SNX18: variants seen among roughly 807,000 people sequenced by gnomAD.
SNX18 encodes the protein sorting nexin 18.
A neutral mutation model predicts 48.7 loss-of-function variants in SNX18; 35 were observed. The observed-to-expected ratio is 0.72, with a 90% CI of 0.55 to 0.95. The LOEUF (loss-of-function observed/expected upper bound fraction) is 0.95. SNX18 is among the 40% of genes least tolerant of loss of function. SNX18 has a pLI of 0.00. For missense variants in SNX18, 824 were observed against 871.0 expected, an observed-to-expected ratio of 0.95 and a Z score of 0.68; for synonymous variants, 492 against 384.7, an observed-to-expected ratio of 1.28 and a Z score of -3.26.
chr5:54,585,873 C>T, the SNX18 span, among the ~76,000 whole-genome samples: 4 of 152,048 alleles, frequency 2.6e-5, no homozygotes, highest in South Asian at 2.1e-4. Context: ...TACATGGTGG[C>T]GGGTGCCTGT....
the SNX18 span, among the ~76,000 whole-genome samples, chr5:54,639,330 ACATG>A: frequency 4.6e-5 from 7 of 152,202 alleles, no homozygotes; most frequent in African/African-American, 1.4e-4. Flanking sequence ...TAGAATCCAT[ACATG>A]TATTTGTAGA....
chr5:54,552,271 G>A, the SNX18 span, among the ~76,000 whole-genome samples: 1 of 152,194 alleles, frequency 6.6e-6, no homozygotes, highest in Non-Finnish European at 1.5e-5. Flanking sequence ...AACACATCTA[G>A]CAGAGTTCAA....
the SNX18 span, among the ~76,000 whole-genome samples, chr5:54,589,344 G>T: frequency 6.6e-6 from 1 of 152,078 alleles, no homozygotes; most frequent in African/African-American, 2.4e-5. Context: ...GCTGTGCCTT[G>T]TTGAAGGAGC....
the SNX18 span, among the ~76,000 whole-genome samples, chr5:54,607,239 G>A: frequency 1.3e-5 from 2 of 152,088 alleles, no homozygotes; most frequent in East Asian, 3.9e-4. Context: ...TTGGCACTGA[G>A]ATTCCAACCA....
At chr5:54,619,149 C>T in the SNX18 span, among the ~76,000 whole-genome samples, 2 of 152,032 alleles carry the variant, frequency 1.3e-5, no homozygotes, top group African/African-American at 2.4e-5. Flanking sequence ...GAAAGGAAGG[C>T]CCCCGCTCCA....
chr5:54,630,829 C>CAAAAAA, the SNX18 span, among the ~76,000 whole-genome samples: 2 of 94,510 alleles, frequency 2.1e-5, no homozygotes, highest in Non-Finnish European at 2.1e-5. Context: ...AAGACTCAGT[C>CAAAAAA]AAAAAAAAAA....
the SNX18 span, among the ~76,000 whole-genome samples, chr5:54,593,909 GAGTTAAAAC>G: frequency 6.6e-6 from 1 of 152,172 alleles, no homozygotes; most frequent in Admixed American, 6.5e-5. Flanking sequence ...CTAATGATAA[GAGTTAAAAC>G]TATAAAACTT....
the SNX18 span, among the ~76,000 whole-genome samples, chr5:54,625,555 G>A: frequency 2.6e-5 from 4 of 152,142 alleles, no homozygotes; most frequent in African/African-American, 9.7e-5. Context: ...GGGTGGGCAA[G>A]GCAGAAGTCA....
chr5:54,535,453 G>A (rs1325566258), intron 1 of SNX18, among the ~76,000 whole-genome samples: 2 of 152,158 alleles, frequency 1.3e-5, no homozygotes, highest in African/African-American at 4.8e-5. Context: ...AAATCCTAAA[G>A]CAAAGTAAAA....
chr5:54,532,687 C>T (rs939358926), intron 1 of SNX18, among the ~76,000 whole-genome samples: 1 of 152,138 alleles, frequency 6.6e-6, no homozygotes, highest in Non-Finnish European at 1.5e-5. Flanking sequence ...TCAGAATTCT[C>T]CTGAAACTAT....
At chr5:54,640,918 A>C in the SNX18 span, among the ~76,000 whole-genome samples, 1 of 152,088 alleles carries the variant, frequency 6.6e-6, no homozygotes, top group Non-Finnish European at 1.5e-5. Context: ...AAATTAGCTG[A>C]GTGTGGTGGC....
rs1315108665 is a variant in SNX18 at position 54,546,286 on chromosome 5, G to A, written c.*2854G>A. On this transcript the variant is annotated 3_prime_UTR_variant, in exon 2 of 2. Coordinates refer to ENST00000381410, the MANE Select transcript of SNX18 (RefSeq NM_001102575.2). ...CTTGAAAAATGTTTTAGTCTGTCAA[G>A]TATGTAAAGTTTGTGTAAAAACTTT... 6.6e-6 allele frequency: 1 copy of A among 152,156 alleles called. No homozygotes were observed. Among genetic ancestry groups the A allele is most frequent in the East Asian group, 1.9e-4 (1 of 5,196 alleles). The allele number at this position is 152,156 out of a possible 1,614,324, so 9.4% of individuals were successfully genotyped here.
the SNX18 span, among the ~76,000 whole-genome samples, chr5:54,625,575 T>G: frequency 3.3e-5 from 5 of 152,186 alleles, no homozygotes; most frequent in Non-Finnish European, 7.3e-5. Context: ...ACACTCTTTT[T>G]GTAACCTAAT....
At chr5:54,590,562 G>T in the SNX18 span, among the ~76,000 whole-genome samples, 1 of 152,044 alleles carries the variant, frequency 6.6e-6, no homozygotes, top group African/African-American at 2.4e-5. Flanking sequence ...TGTGGATTTC[G>T]CCCTGGTCAG....
the SNX18 span, among the ~76,000 whole-genome samples, chr5:54,628,729 C>T: frequency 6.6e-6 from 1 of 152,052 alleles, no homozygotes; most frequent in Admixed American, 6.5e-5. Context: ...TCTTGAGCCC[C>T]TAGCTCCTGG....
chr5:54,518,188 C>T lies in SNX18; in HGVS notation c.236C>T (p.Ala79Val). 1 of 1,388,978 alleles carries T rather than the reference C, an allele frequency of 7.2e-7. No individual in the cohort carries two copies. Among genetic ancestry groups the T allele is most frequent in the Admixed American group, 3.7e-5 (1 of 26,714 alleles). The allele number at this position is 1,388,978 out of a possible 1,614,324, so 86.0% of individuals were successfully genotyped here. ...DGGPGAPARY[A>V]NVPPGGFEPL... ...GGCCCGGGCGCCCCGGCCCGCTACG[C>T]CAATGTGCCCCCCGGGGGCTTCGAG... The change falls in exon 1 of 2, where the codon GCC becomes GTC. Residue 79 changes from alanine to valine, a missense_variant. Physicochemically the swap from Ala to Val is moderately conservative, Grantham distance 64 (BLOSUM62 0). This residue lies in a region of SNX18 where 377 missense variants were observed against 350.6 expected (regional missense o/e 1.08). Coordinates refer to ENST00000381410, the MANE Select transcript of SNX18 (RefSeq NM_001102575.2).
chr5:54,572,754 GTATATATA>G, the SNX18 span, among the ~76,000 whole-genome samples: 1 of 31,860 alleles, frequency 3.1e-5, no homozygotes, highest in African/African-American at 1.2e-4. Flanking sequence ...GTGTGTGTGT[GTATATATA>G]TATATATATA....
chr5:54,579,074 G>A, the SNX18 span, among the ~76,000 whole-genome samples: 5 of 152,080 alleles, frequency 3.3e-5, no homozygotes, highest in African/African-American at 4.8e-5. Context: ...GTGTGGTAGC[G>A]TATGCCTGCA....
At chr5:54,555,995 C>G in the SNX18 span, among the ~76,000 whole-genome samples, 1 of 152,060 alleles carries the variant, frequency 6.6e-6, no homozygotes, top group Non-Finnish European at 1.5e-5. Flanking sequence ...CCTTTCTAGT[C>G]TAAACTGCTT....
Sources: gnomAD v4.1 joint callset for allele counts (sites outside exome capture counted in the v4.1 genomes callset) on GRCh38, gnomAD v4.1.1 for gene constraint, gnomAD v4.1.1 regional missense constraint, MANE v1.5 for transcripts, NCBI Gene and HGNC (gene_info 2026-07-23, HGNC 2026-07-21) for gene names.